The following ATP8B4 variants were observed in gnomAD, a reference collection of about 807,000 sequenced individuals.
ATP8B4 encodes the protein ATPase phospholipid transporting 8B4 (putative).
Under a neutral mutation model 145.6 loss-of-function variants are expected in ATP8B4, and 133 were observed. The ratio of observed to expected loss-of-function variants is 0.91; its 90% CI spans 0.79 to 1.05. ATP8B4 has a LOEUF of 1.05. Ranked by LOEUF, ATP8B4 falls within the 50% of genes least tolerant of loss-of-function variation. The pLI, the probability that ATP8B4 is intolerant of heterozygous loss-of-function variation, is 0.00. For synonymous variants in ATP8B4, 507 were observed against 492.9 expected, an observed-to-expected ratio of 1.03 and a Z score of -0.38; for missense variants, 1,458 against 1,425.2, an observed-to-expected ratio of 1.02 and a Z score of -0.37.
At position 49,950,611 on chromosome 15, in the gene ATP8B4, CA is replaced by C. The variant is rs1316878072; in HGVS notation, c.1287+11365del. ...TAACTAAAAAAAAAAAACAAACAAA[CA>C]AACAAACAAAAAAAACAACAACAAC... is the stretch of plus-strand genomic sequence containing the variant. On this transcript the variant is annotated intron_variant, in intron 14 of 27. Transcript: ENST00000284509. Among the ~76,000 whole-genome samples, 720 of 107,144 alleles carry C rather than the reference CA, an allele frequency of 6.7e-3. 17 individuals carry two copies. The highest frequency in any genetic ancestry group is 8.2e-3 in the Middle Eastern group (2 of 244). The allele number at this position is 107,144 out of a possible 152,430, so 70.3% of individuals were successfully genotyped here. A position where few individuals can be genotyped will look rare whatever the true frequency, so the allele number is the denominator to read the frequency against.
At chr15:49,955,467 T>C (rs556918885) in intron 14 of ATP8B4, among the ~76,000 whole-genome samples, 2 of 152,270 alleles carry the variant, frequency 1.3e-5, no homozygotes, top group African/African-American at 2.4e-5. Flanking sequence ...TAGAAAACAG[T>C]ATGAAAGTTC....
At chr15:49,927,531 C>T (rs778593424) in intron 16 of ATP8B4, among the ~76,000 whole-genome samples, 20 of 152,110 alleles carry the variant, frequency 1.3e-4, no homozygotes, top group Non-Finnish European at 2.5e-4. Context: ...ATAAATCCAG[C>T]AAACCTTCAT....
At chr15:50,087,128 T>C (rs1397738011) in intron 2 of ATP8B4, among the ~76,000 whole-genome samples, 2 of 126,156 alleles carry the variant, frequency 1.6e-5, no homozygotes, top group Non-Finnish European at 3.1e-5. Flanking sequence ...ATATATAATA[T>C]ATAGATCTAT....
At chr15:49,990,563 A>C (rs2046971547) in intron 9 of ATP8B4, among the ~76,000 whole-genome samples, 1 of 152,152 alleles carries the variant, frequency 6.6e-6, no homozygotes, top group Non-Finnish European at 1.5e-5. Flanking sequence ...ACTGAAAAAA[A>C]TCTACAGGAT....
chr15:50,119,509 G>A (rs1378376101), upstream of ATP8B4: 5 of 152,234 alleles, frequency 3.3e-5, no homozygotes, highest in Non-Finnish European at 1.5e-5. Flanking sequence ...CCTGCTGACA[G>A]GACAGAACTG....
intron 1 of ATP8B4, among the ~76,000 whole-genome samples, chr15:50,118,092 C>T (rs568595445): frequency 3.3e-5 from 5 of 151,990 alleles, no homozygotes; most frequent in South Asian, 2.1e-4. Context: ...TTTGATAACA[C>T]GGTAGTATGA....
At chr15:50,172,431 C>T (rs542864475) in intron 1 of ATP8B4, among the ~76,000 whole-genome samples, 10 of 152,258 alleles carry the variant, frequency 6.6e-5, no homozygotes, top group African/African-American at 1.7e-4. Context: ...GACGGAGTCT[C>T]GCTCACACAG....
At chr15:49,883,138 C>G (rs1388549077) in intron 23 of ATP8B4, 1 of 147,062 alleles carries the variant, frequency 6.8e-6, no homozygotes, top group African/African-American at 2.5e-5. Flanking sequence ...GAATTACACT[C>G]ACTTCCATTT....
intron 20 of ATP8B4, among the ~76,000 whole-genome samples, chr15:49,902,948 A>G (rs1025016166): frequency 6.6e-5 from 10 of 152,178 alleles, no homozygotes; most frequent in African/African-American, 2.4e-4. Flanking sequence ...GAGTAAAAAC[A>G]TTCCAAAGAA....
chr15:50,028,083 T>C (rs1027538821), intron 6 of ATP8B4, among the ~76,000 whole-genome samples: 1 of 152,216 alleles, frequency 6.6e-6, no homozygotes, highest in Non-Finnish European at 1.5e-5. Flanking sequence ...CTCAATTATA[T>C]TTCCCAGGCT....
rs527728908 is a variant in ATP8B4 at position 50,168,510 on chromosome 15, G to A, written c.-43+13751C>T. Among the ~76,000 whole-genome samples, 54 of 152,310 alleles carry A rather than the reference G, an allele frequency of 3.5e-4. 2 individuals are homozygous for A. The South Asian group carries it at 0.01, about 29-fold the overall frequency. ...CGAGTGAAATACAGGGGTAGAGAAAGCAGCAGAAAGGCCCTGGGAGCTCGC... is the reference window on the plus strand; with the variant it reads ...CGAGTGAAATACAGGGGTAGAGAAAACAGCAGAAAGGCCCTGGGAGCTCGC... On this transcript the variant is annotated intron_variant, in intron 1 of 3. Coordinates refer to the ATP8B4 transcript ENST00000558829.
At chr15:50,158,543 G>C (rs1198982592) in intron 1 of ATP8B4, among the ~76,000 whole-genome samples, 1 of 149,410 alleles carries the variant, frequency 6.7e-6, no homozygotes, top group Non-Finnish European at 1.5e-5. Context: ...GCCTCTGCCT[G>C]GCCGCCCCTT....
chr15:50,073,237 C>A (rs2053968045), intron 3 of ATP8B4, among the ~76,000 whole-genome samples: 1 of 151,612 alleles, frequency 6.6e-6, no homozygotes, highest in Admixed American at 6.6e-5. Flanking sequence ...CCTCCCCTAG[C>A]TCCCTAGGCC....
Position 49,923,497 on chromosome 15 carries a change from GA to G in ATP8B4, c.1643-4del. The G allele has an allele frequency of 2.5e-6, 4 of 1,579,668 alleles. No individual in the cohort carries two copies. Among genetic ancestry groups the G allele is most frequent in the Non-Finnish European group, 3.4e-6 (4 of 1,162,546 alleles). On this transcript the variant is annotated splice_polypyrimidine_tract_variant and splice_region_variant and intron_variant, in intron 16 of 27. Coordinates refer to ENST00000284509, the MANE Select transcript of ATP8B4 (RefSeq NM_024837.4). ...TATCTGTCCTTCTGGGTTTCGAACT[GA>G]AAAGAAAAAAGTTTGGAAAAGCAGA...
At chr15:50,102,463 C>T (rs2056424290) in intron 2 of ATP8B4, among the ~76,000 whole-genome samples, 8 of 152,216 alleles carry the variant, frequency 5.3e-5, no homozygotes, top group African/African-American at 1.9e-4. Flanking sequence ...CCACTATGAA[C>T]ACCTTTACAT....
At chr15:49,917,114 G>A in intron 19 of ATP8B4, 75 bp from the exon 20 acceptor site, 8 of 1,401,218 alleles carry the variant, frequency 5.7e-6, no homozygotes, top group Non-Finnish European at 8.0e-6. Flanking sequence ...AAAGTTTTGA[G>A]GGCTTAGCTG....
At chr15:50,179,760 T>C (rs1194966521) in intron 1 of ATP8B4, among the ~76,000 whole-genome samples, 1 of 152,188 alleles carries the variant, frequency 6.6e-6, no homozygotes, top group Non-Finnish European at 1.5e-5. Context: ...TGTGAGAAAG[T>C]AGCCCTTCAC....
intron 14 of ATP8B4, among the ~76,000 whole-genome samples, chr15:49,946,515 G>C (rs1437712663): frequency 6.6e-6 from 1 of 152,048 alleles, no homozygotes; most frequent in Non-Finnish European, 1.5e-5. Flanking sequence ...ATTTCCTGTT[G>C]CTTCCTTTAA....
intron 16 of ATP8B4, among the ~76,000 whole-genome samples, chr15:49,923,958 T>G (rs538054690): frequency 6.6e-6 from 1 of 152,190 alleles, no homozygotes; most frequent in Non-Finnish European, 1.5e-5. Flanking sequence ...TATGCATTTT[T>G]TCTTGGCCCT....
Sources: gnomAD v4.1 joint callset for allele counts (sites outside exome capture counted in the v4.1 genomes callset) on GRCh38, gnomAD v4.1.1 for gene constraint, MANE v1.5 for transcripts, NCBI Gene and HGNC (gene_info 2026-07-23, HGNC 2026-07-21) for gene names.